The following TSHZ3 variants were observed in gnomAD, a reference collection of about 807,000 sequenced individuals.
TSHZ3 encodes the protein teashirt homolog 3.
A neutral mutation model predicts 64.5 loss-of-function variants in TSHZ3; 10 were observed. The observed-to-expected ratio is 0.16, with a 90% CI of 0.10 to 0.26. The LOEUF (loss-of-function observed/expected upper bound fraction) is 0.26, where lower values mean the gene tolerates loss of function less well. Ranked by LOEUF, TSHZ3 falls within the 10% of genes least tolerant of loss-of-function variation. The pLI is 1.00. For synonymous variants in TSHZ3, 608 were observed against 593.1 expected (o/e 1.03, Z -0.36); for missense variants, 1,242 against 1,421.7 (o/e 0.87, Z 2.03).
chr19:31,193,044 T>C (rs1271747842), intron 5 of TSHZ3, among the ~76,000 whole-genome samples: 1 of 152,164 alleles, frequency 6.6e-6, no homozygotes, highest in Non-Finnish European at 1.5e-5. Context: ...TCTGCGACCC[T>C]GGTTTTTCCC....
intron 1 of TSHZ3, among the ~76,000 whole-genome samples, chr19:31,323,917 C>CAG (rs1245611202): frequency 1.1e-4 from 16 of 143,874 alleles, no homozygotes; most frequent in East Asian, 6.1e-4. Context: ...CACACACACA[C>CAG]AGTGCATTGC....
At chr19:31,177,188 G>A (rs1974622388) in intron 5 of TSHZ3, among the ~76,000 whole-genome samples, 1 of 152,216 alleles carries the variant, frequency 6.6e-6, no homozygotes, top group South Asian at 2.1e-4. Flanking sequence ...GCAGAAGGAT[G>A]CATCAATGGA....
At chr19:31,247,019 T>C (rs1270676435) in intron 1 of TSHZ3, among the ~76,000 whole-genome samples, 1 of 152,028 alleles carries the variant, frequency 6.6e-6, no homozygotes, top group African/African-American at 2.4e-5. Context: ...ACCAGTTACA[T>C]GGATATAAAT....
chr19:31,313,973 C>T (rs374301441), intron 1 of TSHZ3, among the ~76,000 whole-genome samples: 1 of 152,176 alleles, frequency 6.6e-6, no homozygotes, highest in African/African-American at 2.4e-5. Context: ...ACCTTCATCT[C>T]GGGTAATGAC....
At chr19:31,230,144 A>G (rs1215770839) in intron 3 of TSHZ3, among the ~76,000 whole-genome samples, 1 of 152,190 alleles carries the variant, frequency 6.6e-6, no homozygotes, top group East Asian at 1.9e-4. Context: ...AAACAAAATA[A>G]ACGTCTGAAA....
At chr19:31,160,647 CACACACAA>C (rs1974363507) in intron 5 of TSHZ3, among the ~76,000 whole-genome samples, 1 of 152,078 alleles carries the variant, frequency 6.6e-6, no homozygotes, top group Non-Finnish European at 1.5e-5. Context: ...TATTCGCACA[CACACACAA>C]ACACACAGGC....
intron 4 of TSHZ3, among the ~76,000 whole-genome samples, chr19:31,227,785 C>A (rs1172178738): frequency 6.6e-6 from 1 of 152,176 alleles, no homozygotes; most frequent in Non-Finnish European, 1.5e-5. Context: ...GCAGTCCTAT[C>A]CCTGCTGTCC....
intron 1 of TSHZ3, chr19:31,308,523 A>G: frequency 2.5e-6 from 1 of 394,368 alleles, no homozygotes; most frequent in East Asian, 3.6e-5. Flanking sequence ...GACCACCACT[A>G]AGGGCTCCAT....
Position 31,277,076 on chromosome 19 carries a change from A to G in TSHZ3, c.2717T>C (p.Leu906Pro). ...SNWNPQHLLI[L>P]QAQFAASLRQ... The stretch of plus-strand genomic sequence containing the variant: ...GAGGCTGGCGGCAAACTGGGCCTGG[A>G]GGATCAGGAGGTGCTGGGGGTTCCA... Residue 906 changes from leucine to proline, a missense_variant, in exon 2 of 2, where the codon CTC (leucine) becomes CCC (proline). Physicochemically the swap from Leu to Pro is moderately conservative, Grantham distance 98. Transcript: ENST00000240587. The surrounding 1 kb of genome is among the most constrained non-coding windows in gnomAD (Gnocchi z 4.5). 1 of 1,607,432 alleles carries G rather than the reference A, an allele frequency of 6.2e-7. No individual in the cohort carries two copies. The highest frequency in any genetic ancestry group is 8.5e-7 in the Non-Finnish European group (1 of 1,175,958).
Position 31,155,009 on chromosome 19 carries a change from C to T in TSHZ3, n.871+1347G>A, listed in dbSNP as rs571979296. On this transcript the variant is annotated intron_variant and non_coding_transcript_variant, in intron 6 of 6. Coordinates refer to the TSHZ3 transcript ENST00000651361. ...GGGACACCCCTTGCCTCTGTTCTCC[C>T]ACCTGGGAAGAGAAGTCCTGAAAGC... 2.0e-4 allele frequency among the ~76,000 whole-genome samples: 31 copies of T among 152,342 alleles called. No individual in the cohort carries two copies. The South Asian group carries it at 6.0e-3, about 30-fold the overall frequency.
At chr19:31,197,394 T>A (rs1354535308) in intron 5 of TSHZ3, among the ~76,000 whole-genome samples, 2 of 150,596 alleles carry the variant, frequency 1.3e-5, no homozygotes, top group Non-Finnish European at 3.0e-5. Context: ...TAGGCTTCCA[T>A]TAGAGAAAAT....
chr19:31,261,030 T>C (rs1975977841), intron 1 of TSHZ3, among the ~76,000 whole-genome samples: 2 of 152,202 alleles, frequency 1.3e-5, no homozygotes, highest in Admixed American at 6.5e-5. Flanking sequence ...TGCATTCTCC[T>C]AGAGGACCTT....
At position 31,276,901 on chromosome 19, in the gene TSHZ3, C is replaced by T; in HGVS notation, c.2892G>A (p.Lys964=). 1.2e-6 allele frequency: 2 copies of T among 1,614,234 alleles called. No individual in the cohort carries two copies. The highest frequency in any genetic ancestry group is 1.7e-6 in the Non-Finnish European group (2 of 1,180,042). The change falls in exon 2 of 2, where the codon AAG becomes AAA. Residue 964 remains lysine (K), a synonymous_variant. Transcript: ENST00000240587. The stretch of plus-strand genomic sequence containing the variant: ...GGCCAGTGTCCAAGTTTTTGAGGAA[C>T]TTTGTTCCACCTGTCCTTCGAAGCT... ...KYQLRRTGGT[K]FLKNLDTGHP...
chr19:31,200,881 C>T (rs574990861), intron 5 of TSHZ3, among the ~76,000 whole-genome samples: 107 of 151,072 alleles, frequency 7.1e-4, no homozygotes, highest in Non-Finnish European at 1.1e-3. Context: ...TCTGTGAATC[C>T]AAAACTACTC....
intron 1 of TSHZ3, among the ~76,000 whole-genome samples, chr19:31,261,298 A>G (rs1975980547): frequency 6.6e-6 from 1 of 152,152 alleles, no homozygotes; most frequent in African/African-American, 2.4e-5. Context: ...CAAAAATCAC[A>G]TTCTCCAGAG....
At chr19:31,348,430 A>G (rs2021579797) in intron 1 of TSHZ3, among the ~76,000 whole-genome samples, 1 of 151,586 alleles carries the variant, frequency 6.6e-6, no homozygotes, top group Admixed American at 6.6e-5. Flanking sequence ...AAATCGGCTC[A>G]GTCTTAACAG....
chr19:31,216,938 G>C (rs760306743), intron 4 of TSHZ3, among the ~76,000 whole-genome samples: 3 of 150,650 alleles, frequency 2.0e-5, no homozygotes, highest in Non-Finnish European at 4.4e-5. Flanking sequence ...TTACAGGCAT[G>C]AGCCACCGCG....
intron 1 of TSHZ3, among the ~76,000 whole-genome samples, chr19:31,316,239 T>A (rs1204492074): frequency 2.0e-5 from 3 of 152,162 alleles, no homozygotes; most frequent in Non-Finnish European, 4.4e-5. Context: ...AAAATGCCTT[T>A]CCCATTTTCC....
intron 1 of TSHZ3, among the ~76,000 whole-genome samples, chr19:31,301,799 T>C (rs1976762169): frequency 6.6e-6 from 1 of 152,170 alleles, no homozygotes; most frequent in African/African-American, 2.4e-5. Flanking sequence ...TTAAAATGTT[T>C]GAGCACTCTG....
Sources: allele counts gnomAD v4.1 joint callset (sites outside exome capture counted in the v4.1 genomes callset), GRCh38; gene constraint gnomAD v4.1.1; non-coding constraint Gnocchi (gnomAD v3.1); transcripts MANE v1.5; gene names NCBI Gene and HGNC (gene_info 2026-07-23, HGNC 2026-07-21).